The following FAT3 variants were observed in gnomAD, a reference collection of about 807,000 sequenced individuals.
FAT3 encodes protocadherin Fat 3.
Under a neutral mutation model 310.2 loss-of-function variants are expected in FAT3, and 95 were observed. The ratio of observed to expected loss-of-function variants is 0.31; its 90% CI spans 0.26 to 0.36. The LOEUF is 0.36. Among genes scored for constraint, FAT3 ranks in the 10% least tolerant of loss-of-function variants. The probability of loss-of-function intolerance (pLI) is 1.00; values close to 1 mark genes in which losing one functional copy is unlikely to be tolerated. For synonymous variants in FAT3, 2,314 were observed against 2,192.9 expected (o/e 1.06, Z -1.54); for missense variants, 5,408 against 5,715.6 (o/e 0.95, Z 1.74).
chr11:92,578,886 T>A (rs1188099102), intron 3 of FAT3, among the ~76,000 whole-genome samples: 1 of 151,954 alleles, frequency 6.6e-6, no homozygotes, highest in Non-Finnish European at 1.5e-5. Flanking sequence ...ATAAAAAAAA[T>A]GCTGGAAAGG....
rs774549027 is a variant in FAT3, at chr11:92,805,139, T to C, written c.8897-14T>C. 1.2e-6 allele frequency: 2 copies of C among 1,601,054 alleles called. No homozygotes were observed. Among genetic ancestry groups the C allele is most frequent in the East Asian group, 2.2e-5 (1 of 44,666 alleles). On this transcript the variant is annotated splice_polypyrimidine_tract_variant and intron_variant, in intron 10 of 27. Coordinates refer to ENST00000525166, the MANE Select transcript of FAT3 (RefSeq NM_001367949.2). Reference sequence around the variant, plus strand: ...TGCACATCTTCAAAAGCTCTTTTGTTTTTTTAACTGCAGGAGGAAACCCTC... The same window carrying C: ...TGCACATCTTCAAAAGCTCTTTTGTCTTTTTAACTGCAGGAGGAAACCCTC...
chr11:92,773,128 C>T (rs560778062), intron 6 of FAT3, among the ~76,000 whole-genome samples: 3 of 152,240 alleles, frequency 2.0e-5, no homozygotes, highest in Admixed American at 2.0e-4. Flanking sequence ...CACATACATA[C>T]CATTATTTTT....
Position 92,761,985 on chromosome 11 carries a change from G to T in FAT3, c.3799G>T (p.Asp1267Tyr). Residue 1267 changes from aspartate (D) to tyrosine (Y), a missense_variant, in exon 5 of 28, where the codon GAC (aspartate) becomes TAC (tyrosine). Physicochemically the swap from Asp to Tyr is radical, Grantham distance 160. Transcript: ENST00000525166. ...CTACCAGATCAAGCTGCCAGAACGT[G>T]ACCGAAAGAAGAGAGGAGAACCGAT... ...KVYQIKLPER[D>Y]RKKRGEPIYR... The T allele has an allele frequency of 6.2e-7, 1 of 1,613,962 alleles. No individual in the cohort carries two copies. The highest frequency in any genetic ancestry group is 8.5e-7 in the Non-Finnish European group (1 of 1,179,882).
chr11:92,711,384 A>G (rs1334014263), intron 4 of FAT3, among the ~76,000 whole-genome samples: 1 of 152,150 alleles, frequency 6.6e-6, no homozygotes, highest in Non-Finnish European at 1.5e-5. Context: ...GGAACCATCT[A>G]TCACTTTTTC....
intron 3 of FAT3, among the ~76,000 whole-genome samples, chr11:92,608,079 G>A (rs1247366055): frequency 1.3e-5 from 2 of 151,920 alleles, no homozygotes; most frequent in Non-Finnish European, 2.9e-5. Context: ...GTATGTTCAG[G>A]AAATTAAAAG....
intron 2 of FAT3, among the ~76,000 whole-genome samples, chr11:92,393,002 G>T (rs1949783227): frequency 6.6e-6 from 1 of 152,110 alleles, no homozygotes; most frequent in Admixed American, 6.5e-5. Context: ...ACGGGTATGG[G>T]TGTGAGTGTC....
intron 4 of FAT3, among the ~76,000 whole-genome samples, chr11:92,721,052 C>T (rs1208751038): frequency 6.6e-6 from 1 of 152,072 alleles, no homozygotes; most frequent in Non-Finnish European, 1.5e-5. Flanking sequence ...GGTATTAAGC[C>T]CAGCAGCCAT....
intron 1 of FAT3, among the ~76,000 whole-genome samples, chr11:92,339,846 G>T (rs1036484367): frequency 6.6e-6 from 1 of 152,126 alleles, no homozygotes; most frequent in Non-Finnish European, 1.5e-5. Context: ...AGGCGCGGTG[G>T]CTCAAGCCTG....
At chr11:92,889,341 G>A in intron 26 of FAT3, 93 bp downstream of exon 26, 1 of 554,714 alleles carries the variant, frequency 1.8e-6, no homozygotes, top group Non-Finnish European at 3.3e-6. Context: ...GCCACAGAGG[G>A]GGCAATAAAC....
intron 2 of FAT3, among the ~76,000 whole-genome samples, chr11:92,475,364 T>G (rs1271312532): frequency 6.6e-6 from 1 of 152,170 alleles, no homozygotes; most frequent in Non-Finnish European, 1.5e-5. Flanking sequence ...TGTCTATTTT[T>G]TTGTCCTTGG....
Position 92,352,208 on chromosome 11 carries a change from G to C in FAT3, c.96G>C (p.Gly32=), listed in dbSNP as rs948993113. The change falls in exon 2 of 28, where the codon GGG becomes GGC. Residue 32 remains glycine (G), a synonymous_variant. Coordinates refer to ENST00000525166, the MANE Select transcript of FAT3 (RefSeq NM_001367949.2). ...LFKLLATVSQ[G]LPGTGPLGFH... ...AGCTTTTGGCCACTGTCTCCCAGGG[G>C]CTGCCAGGGACTGGACCCCTGGGCT... 7.3e-7 allele frequency: 1 copy of C among 1,378,894 alleles called. No individual in the cohort carries two copies. Among genetic ancestry groups the C allele is most frequent in the African/African-American group, 1.5e-5 (1 of 68,248 alleles). The allele number at this position is 1,378,894 out of a possible 1,614,324, so 85.4% of individuals were successfully genotyped here.
At chr11:92,445,709 C>T (rs1951192497) in intron 2 of FAT3, among the ~76,000 whole-genome samples, 2 of 152,046 alleles carry the variant, frequency 1.3e-5, no homozygotes, top group Non-Finnish European at 2.9e-5. Flanking sequence ...GGAAAAATTA[C>T]CTATAAGTCC....
intron 3 of FAT3, among the ~76,000 whole-genome samples, chr11:92,665,056 A>T (rs1792357): frequency 0.28 from 43,216 of 152,118 alleles, 6,451 homozygotes; most frequent in Non-Finnish European, 0.33. Context: ...GCTGATCTGC[A>T]CTCACGTTCC....
intron 7 of FAT3, among the ~76,000 whole-genome samples, chr11:92,784,637 A>G (rs1249407122): frequency 6.6e-6 from 1 of 152,182 alleles, no homozygotes; most frequent in Non-Finnish European, 1.5e-5. Context: ...AGGCATTTCA[A>G]TTACCATTTT....
At chr11:92,652,719 A>G (rs1254112523) in intron 3 of FAT3, among the ~76,000 whole-genome samples, 1 of 152,174 alleles carries the variant, frequency 6.6e-6, no homozygotes, top group Non-Finnish European at 1.5e-5. Context: ...GTTCTTTGGT[A>G]TGTGTATGTG....
At chr11:92,238,128 C>T (rs1247802709) in intron 1 of FAT3, among the ~76,000 whole-genome samples, 1 of 152,064 alleles carries the variant, frequency 6.6e-6, no homozygotes, top group Non-Finnish European at 1.5e-5. Context: ...AGAGTAGCAG[C>T]CCCCATACTG....
intron 2 of FAT3, among the ~76,000 whole-genome samples, chr11:92,476,102 T>G (rs1256078848): frequency 6.6e-6 from 1 of 151,794 alleles, no homozygotes; most frequent in Non-Finnish European, 1.5e-5. Flanking sequence ...TGTATACAAG[T>G]GTGTGCAGGG....
chr11:92,759,642 A>G (rs1591695406), intron 4 of FAT3, among the ~76,000 whole-genome samples: 1 of 151,908 alleles, frequency 6.6e-6, no homozygotes, highest in Non-Finnish European at 1.5e-5. Flanking sequence ...ATGACGAGTG[A>G]CCCGCTATGC....
rs1168389517 is a variant in FAT3 at position 92,836,802 on chromosome 11, T to G, written c.10224+99T>G. 2.9e-6 allele frequency: 4 copies of G among 1,373,796 alleles called. No individual in the cohort carries two copies. In the African/African-American group the frequency reaches 4.4e-5, roughly 15 times the overall value. The allele number at this position is 1,373,796 out of a possible 1,614,324, so 85.1% of individuals were successfully genotyped here. A position where few individuals can be genotyped will look rare whatever the true frequency, so the allele number is the denominator to read the frequency against. ...GGGTGTAAATAGGAAAGTTCTCCAT[T>G]CTAAGTAATGAGAGTAAATAAGGAT... On this transcript the variant is annotated intron_variant, in intron 16 of 27. Transcript: ENST00000525166.
Sources: allele counts gnomAD v4.1 joint callset (sites outside exome capture counted in the v4.1 genomes callset), GRCh38; gene constraint gnomAD v4.1.1; transcripts MANE v1.5; gene names NCBI Gene and HGNC (gene_info 2026-07-23, HGNC 2026-07-21).